PRRG1: variants seen among roughly 807,000 people sequenced by gnomAD.
PRRG1 encodes proline rich and Gla domain 1, also known as transmembrane gamma-carboxyglutamic acid protein 1.
PRRG1 carries 5 observed loss-of-function variants against 11.8 expected under a neutral mutation model. The ratio of observed to expected loss-of-function variants is 0.42; its 90% CI spans 0.22 to 0.89. The LOEUF (loss-of-function observed/expected upper bound fraction) is 0.89. Among genes scored for constraint, PRRG1 ranks in the 40% least tolerant of loss-of-function variants. The pLI is 0.28. For synonymous variants in PRRG1, 66 were observed against 60.4 expected, an observed-to-expected ratio of 1.09 and a Z score of -0.43; for missense variants, 155 against 166.1, an observed-to-expected ratio of 0.93 and a Z score of 0.37.
At chrX:37,415,458 C>A (rs1932469994) in intron 2 of PRRG1, among the ~76,000 whole-genome samples, 1 of 111,879 alleles carries the variant, frequency 8.9e-6, no homozygotes, top group Non-Finnish European at 1.9e-5. Flanking sequence ...GGTTAACAGT[C>A]CACTTTGGAA....
chrX:37,399,956 A>C (rs1386305723), intron 1 of PRRG1, among the ~76,000 whole-genome samples: 2 of 111,636 alleles, frequency 1.8e-5, no homozygotes, highest in Non-Finnish European at 3.8e-5. Flanking sequence ...TATGCACCCA[A>C]TACAGGAGCA....
chrX:37,374,834 T>C (rs1601978425), intron 1 of PRRG1, among the ~76,000 whole-genome samples: 1 of 112,174 alleles, frequency 8.9e-6, no homozygotes, highest in East Asian at 2.8e-4. Flanking sequence ...AGGTTGGTTC[T>C]GATGTTCTGC....
chrX:37,381,136 A>T (rs1210493252), intron 1 of PRRG1, among the ~76,000 whole-genome samples: 6 of 111,477 alleles, frequency 5.4e-5, no homozygotes, highest in Non-Finnish European at 5.7e-5. Flanking sequence ...TGTTTTGTTT[A>T]TAGAGTGACC....
rs1328598214 is a variant in PRRG1, at chrX:37,453,412, G to T, written c.448G>T (p.Gly150Ter). The T allele has an allele frequency of 8.3e-7, 1 of 1,209,339 alleles. No individual in the cohort carries two copies. ...DSSGLSPGFL[G>*]YVVGRSDSVS... Reference sequence around the variant, plus strand: ...CAGTGGATTGTCTCCAGGCTTTCTGGGATATGTAGTTGGGCGCTCAGATTC... The same window carrying T: ...CAGTGGATTGTCTCCAGGCTTTCTGTGATATGTAGTTGGGCGCTCAGATTC... Residue 150 changes from glycine to a stop codon, truncating the protein, a stop_gained, in exon 4 of 4, where the codon GGA (glycine) becomes TGA (stop). Transcript: ENST00000378628. LOFTEE classifies it high-confidence loss of function.
intron 1 of PRRG1, among the ~76,000 whole-genome samples, chrX:37,387,244 T>C (rs1355300232): frequency 1.1e-4 from 12 of 112,533 alleles, no homozygotes; most frequent in African/African-American, 3.6e-4. Flanking sequence ...TGATTACACA[T>C]GTATAATAAC....
intron 2 of PRRG1, among the ~76,000 whole-genome samples, chrX:37,419,345 T>G (rs1292322114): frequency 8.9e-6 from 1 of 111,834 alleles, no homozygotes; most frequent in Non-Finnish European, 1.9e-5. Flanking sequence ...AGCAAGCATA[T>G]ACATTATGGC....
intron 3 of PRRG1, chrX:37,441,998 C>T (rs1193146405): frequency 6.5e-6 from 5 of 770,114 alleles, no homozygotes; most frequent in Non-Finnish European, 6.2e-6. Context: ...CTGTGCAAGA[C>T]GTGAGCCCCA....
chrX:37,453,681 C>G lies in PRRG1; in HGVS notation c.*60C>G. On this transcript the variant is annotated 3_prime_UTR_variant, in exon 4 of 4. Coordinates refer to ENST00000378628, the MANE Select transcript of PRRG1 (RefSeq NM_001142395.2). ...AAATACTAATGGAAGAACTTTCTAG[C>G]ACTTTACCACTACATAAATGTTCAT... 1 of 1,031,871 alleles carries G rather than the reference C, an allele frequency of 9.7e-7. No homozygotes were observed. Among genetic ancestry groups the G allele is most frequent in the Non-Finnish European group, 1.3e-6 (1 of 775,470 alleles). The allele number at this position is 1,031,871 out of a possible 1,213,427, so 85.0% of individuals were successfully genotyped here.
intron 1 of PRRG1, among the ~76,000 whole-genome samples, chrX:37,358,727 G>GT (rs1425979891): frequency 5.6e-4 from 62 of 110,579 alleles, no homozygotes; most frequent in African/African-American, 1.5e-3. Flanking sequence ...AGAATCAGTT[G>GT]TTTTTTAAAA....
At chrX:37,403,042 C>A (rs1222438360) in intron 1 of PRRG1, among the ~76,000 whole-genome samples, 1 of 110,031 alleles carries the variant, frequency 9.1e-6, no homozygotes, top group African/African-American at 3.3e-5. Flanking sequence ...GGACTGTAAA[C>A]TAGTTCAACC....
chrX:37,396,886 C>G (rs1931732752), intron 1 of PRRG1, among the ~76,000 whole-genome samples: 1 of 111,948 alleles, frequency 8.9e-6, no homozygotes, highest in African/African-American at 3.3e-5. Context: ...TTAGCAGTAC[C>G]TGGCCCCAAC....
At chrX:37,394,294 C>T (rs1931643208) in intron 1 of PRRG1, among the ~76,000 whole-genome samples, 1 of 111,840 alleles carries the variant, frequency 8.9e-6, no homozygotes, top group Non-Finnish European at 1.9e-5. Flanking sequence ...TCTTAGATAG[C>T]CAAAGAGAGT....
At chrX:37,451,088 G>A (rs1556396455) in intron 3 of PRRG1, among the ~76,000 whole-genome samples, 2 of 111,825 alleles carry the variant, frequency 1.8e-5, no homozygotes, top group Non-Finnish European at 3.8e-5. Flanking sequence ...CGCAATCTCG[G>A]CTCACCCGCA....
At chrX:37,434,633 A>G (rs1205914049) in intron 3 of PRRG1, among the ~76,000 whole-genome samples, 2 of 111,779 alleles carry the variant, frequency 1.8e-5, no homozygotes, top group Non-Finnish European at 3.8e-5. Context: ...CAATTTTTGT[A>G]TCTTTTAAAA....
At chrX:37,394,890 A>C (rs1432662895) in intron 1 of PRRG1, among the ~76,000 whole-genome samples, 4 of 111,623 alleles carry the variant, frequency 3.6e-5, no homozygotes, top group African/African-American at 1.3e-4. Flanking sequence ...AATATACCTT[A>C]TATCACTCTC....
intron 3 of PRRG1, chrX:37,440,733 T>C: frequency 2.0e-6 from 1 of 507,028 alleles, no homozygotes; most frequent in East Asian, 3.6e-5. Context: ...GTTAAAACTG[T>C]TGCATTCCAC....
At chrX:37,406,144 C>G (rs918548846) in intron 1 of PRRG1, 65 bp from the exon 2 acceptor site, 2 of 1,000,313 alleles carry the variant, frequency 2.0e-6, no homozygotes, top group Non-Finnish European at 2.8e-6. Context: ...TGTACTGGAG[C>G]TTATCTGATG....
intron 3 of PRRG1, among the ~76,000 whole-genome samples, chrX:37,450,286 G>A (rs1193899423): frequency 8.9e-6 from 1 of 112,035 alleles, no homozygotes; most frequent in Non-Finnish European, 1.9e-5. Flanking sequence ...TAACCTCTCT[G>A]AGCCTCCCTT....
intron 3 of PRRG1, 121 bp downstream of exon 3, chrX:37,426,121 C>T (rs782764494): frequency 6.8e-6 from 5 of 736,797 alleles, no homozygotes; most frequent in South Asian, 3.4e-5. Context: ...GTTAGGAACT[C>T]GGAAAATGGC....
Sources: allele counts gnomAD v4.1 joint callset (sites outside exome capture counted in the v4.1 genomes callset), GRCh38; gene constraint gnomAD v4.1.1; transcripts MANE v1.5; gene names NCBI Gene and HGNC (gene_info 2026-07-23, HGNC 2026-07-21).